L3MBTL4: variants seen among roughly 807,000 people sequenced by gnomAD.
L3MBTL4 encodes the protein L3MBTL histone methyl-lysine binding protein 4, also known as lethal(3)malignant brain tumor-like protein 4.
In L3MBTL4, 70 loss-of-function variants were observed where a neutral mutation model predicts 84.5. That is an observed-to-expected ratio of 0.83 (90% CI 0.68 to 1.01). The LOEUF (loss-of-function observed/expected upper bound fraction) is 1.01, where lower values mean the gene tolerates loss of function less well. L3MBTL4 is among the 50% of genes least tolerant of loss of function. The pLI, the probability that L3MBTL4 is intolerant of heterozygous loss-of-function variation, is 0.00. For missense variants in L3MBTL4, 715 were observed against 754.8 expected (o/e 0.95, Z 0.62); for synonymous variants, 274 against 259.8 (o/e 1.05, Z -0.52).
At chr18:6,176,514 G>A (rs949267760) in intron 12 of L3MBTL4, among the ~76,000 whole-genome samples, 1 of 151,936 alleles carries the variant, frequency 6.6e-6, no homozygotes, top group African/African-American at 2.4e-5. Flanking sequence ...GAAAAAAAAT[G>A]AGCCAGCTGA....
intron 16 of L3MBTL4, among the ~76,000 whole-genome samples, chr18:5,982,042 C>G (rs2053252598): frequency 6.8e-6 from 1 of 147,538 alleles, no homozygotes; most frequent in Non-Finnish European, 1.5e-5. Flanking sequence ...GAAAGCAAAA[C>G]ACTTGAAATG....
intron 16 of L3MBTL4, among the ~76,000 whole-genome samples, chr18:6,044,303 C>T (rs536725785): frequency 7.9e-5 from 12 of 152,274 alleles, no homozygotes; most frequent in South Asian, 6.2e-4. Context: ...AGTGAAAACA[C>T]GTCGATGATT....
chr18:6,065,828 G>T (rs1299529663), intron 16 of L3MBTL4, among the ~76,000 whole-genome samples: 1 of 151,502 alleles, frequency 6.6e-6, no homozygotes, highest in Non-Finnish European at 1.5e-5. Context: ...TTTATCTTTT[G>T]TAATGTTCTT....
intron 1 of L3MBTL4, among the ~76,000 whole-genome samples, chr18:6,388,781 A>G (rs1191660905): frequency 2.6e-5 from 4 of 152,204 alleles, no homozygotes; most frequent in African/African-American, 9.6e-5. Context: ...GCACAGGCAG[A>G]TGGACACCGG....
intron 1 of L3MBTL4, among the ~76,000 whole-genome samples, chr18:6,408,845 T>G (rs2055846643): frequency 6.6e-6 from 1 of 151,878 alleles, no homozygotes; most frequent in Admixed American, 6.6e-5. Flanking sequence ...CCAGGCTAAT[T>G]TTTGTATTTT....
chr18:6,110,126 C>A lies in L3MBTL4; in HGVS notation c.1200-16598G>T, dbSNP rs374564626. On this transcript the variant is annotated intron_variant, in intron 14 of 18. Coordinates refer to ENST00000317931, the MANE Select transcript of L3MBTL4 (RefSeq NM_001330559.2). Reference sequence around the variant, plus strand: ...ATAACTCAGTCTACATACTCCCTCCCAGGCTGGGAGTGTCTCTGCTTCTAA... The same window carrying A: ...ATAACTCAGTCTACATACTCCCTCCAAGGCTGGGAGTGTCTCTGCTTCTAA... Among the ~76,000 whole-genome samples, 4 of 151,990 alleles carry A rather than the reference C, an allele frequency of 2.6e-5. No individual in the cohort carries two copies. In the East Asian group the frequency reaches 6.0e-4, roughly 23 times the overall value.
At chr18:6,180,162 G>A (rs2044404075) in intron 12 of L3MBTL4, among the ~76,000 whole-genome samples, 1 of 152,040 alleles carries the variant, frequency 6.6e-6, no homozygotes, top group Non-Finnish European at 1.5e-5. Flanking sequence ...CTTTTCCACA[G>A]TAAACATTAA....
Position 6,197,596 on chromosome 18 carries a change from T to C in L3MBTL4, c.981+15553A>G, listed in dbSNP as rs116410302. Among the ~76,000 whole-genome samples the C allele has an allele frequency of 8.4e-3, 1,273 of 152,350 alleles. 15 individuals are homozygous for C. Among genetic ancestry groups the C allele is most frequent in the African/African-American group, 0.029 (1,214 of 41,576 alleles). On this transcript the variant is annotated intron_variant, in intron 12 of 18. Transcript: ENST00000317931. ...CATACGTGTGCGTGTGTCTTTGTGATAGAATAATTTGTATTCCTTTGGGTA... is the reference window on the plus strand; with the variant it reads ...CATACGTGTGCGTGTGTCTTTGTGACAGAATAATTTGTATTCCTTTGGGTA...
At position 5,993,575 on chromosome 18, in the gene L3MBTL4, A is replaced by G. The variant is rs547057463; in HGVS notation, c.1445-24013T>C. On this transcript the variant is annotated intron_variant, in intron 16 of 18. Coordinates refer to ENST00000317931, the MANE Select transcript of L3MBTL4 (RefSeq NM_001330559.2). ...TTTTCCCATTATTTTAGGATTAGGC[A>G]TAAACAGAGTCGTTAATTTACACCA... Among the ~76,000 whole-genome samples the G allele has an allele frequency of 5.3e-5, 8 of 152,320 alleles. No individual in the cohort carries two copies. The East Asian group carries it at 1.5e-3, about 29-fold the overall frequency.
intron 16 of L3MBTL4, among the ~76,000 whole-genome samples, chr18:6,066,433 T>C (rs1175247290): frequency 6.6e-6 from 1 of 152,098 alleles, no homozygotes; most frequent in Non-Finnish European, 1.5e-5. Context: ...GATGATCTTC[T>C]AGTACTGTTG....
intron 16 of L3MBTL4, among the ~76,000 whole-genome samples, chr18:6,002,253 G>A (rs1427775950): frequency 6.6e-6 from 1 of 152,110 alleles, no homozygotes; most frequent in Non-Finnish European, 1.5e-5. Flanking sequence ...AACAAAAGTT[G>A]AAGGCATTCA....
intron 13 of L3MBTL4, among the ~76,000 whole-genome samples, chr18:6,168,767 G>A (rs977183180): frequency 2.0e-5 from 3 of 152,126 alleles, no homozygotes; most frequent in African/African-American, 7.2e-5. Context: ...ATAGGCATGG[G>A]CAAGGACTTC....
intron 10 of L3MBTL4, among the ~76,000 whole-genome samples, chr18:6,220,442 CT>C (rs1207153059): frequency 6.6e-6 from 1 of 152,134 alleles, no homozygotes; most frequent in Non-Finnish European, 1.5e-5. Context: ...ATCCTCCAGA[CT>C]TGTCACCTTA....
At chr18:6,097,849 C>A (rs1217439326) in intron 14 of L3MBTL4, among the ~76,000 whole-genome samples, 1 of 152,164 alleles carries the variant, frequency 6.6e-6, no homozygotes, top group Non-Finnish European at 1.5e-5. Context: ...TTGCCATCCC[C>A]TTCCCATGAC....
Position 6,213,194 on chromosome 18 carries a change from T to A in L3MBTL4, c.936A>T (p.Leu312Phe). ...LEVVDKRNPR[L>F]IRVATIVDVD... Reference sequence around the variant, plus strand: ...CATCTACAATCGTAGCAACACGAATTAACCTGGGGTTCCGTTTATCCACAA... The same window carrying A: ...CATCTACAATCGTAGCAACACGAATAAACCTGGGGTTCCGTTTATCCACAA... Residue 312 changes from leucine to phenylalanine, a missense_variant, in exon 12 of 19, where the codon TTA (leucine) becomes TTT (phenylalanine). By Grantham distance (22) the Leu-to-Phe change is conservative. Transcript: ENST00000317931. 1 of 1,610,996 alleles carries A rather than the reference T, an allele frequency of 6.2e-7. No homozygotes were observed. The highest frequency in any genetic ancestry group is 8.5e-7 in the Non-Finnish European group (1 of 1,178,914).
At chr18:6,341,726 T>G (rs2052617468) in intron 1 of L3MBTL4, among the ~76,000 whole-genome samples, 1 of 151,880 alleles carries the variant, frequency 6.6e-6, no homozygotes, top group African/African-American at 2.4e-5. Context: ...GCAAAGTTAT[T>G]TTAAAAATTA....
At chr18:6,257,464 A>G (rs1241819752) in intron 5 of L3MBTL4, among the ~76,000 whole-genome samples, 2 of 152,106 alleles carry the variant, frequency 1.3e-5, no homozygotes, top group African/African-American at 2.4e-5. Context: ...AGGTTGGAAA[A>G]ATCCAGAAAG....
At chr18:6,366,454 C>T (rs1224092350) in intron 1 of L3MBTL4, among the ~76,000 whole-genome samples, 1 of 152,166 alleles carries the variant, frequency 6.6e-6, no homozygotes, top group African/African-American at 2.4e-5. Flanking sequence ...TTCACAGTAT[C>T]ACTGAATTCT....
intron 13 of L3MBTL4, among the ~76,000 whole-genome samples, chr18:6,167,264 A>G (rs2043719291): frequency 6.6e-6 from 1 of 152,268 alleles, no homozygotes; most frequent in African/African-American, 2.4e-5. Context: ...AGGAGCTGGT[A>G]GCATTCTTCC....
Sources: gnomAD v4.1 joint callset for allele counts (sites outside exome capture counted in the v4.1 genomes callset) on GRCh38, gnomAD v4.1.1 for gene constraint, MANE v1.5 for transcripts, NCBI Gene and HGNC (gene_info 2026-07-23, HGNC 2026-07-21) for gene names.